FBXL13: variants seen among roughly 807,000 people sequenced by gnomAD.
FBXL13 encodes F-box and leucine-rich repeat protein 13.
A neutral mutation model predicts 83.6 loss-of-function variants in FBXL13; 67 were observed. The ratio of observed to expected loss-of-function variants is 0.80; its 90% confidence interval spans 0.66 to 0.98. FBXL13 has a LOEUF of 0.98. Among genes scored for constraint, FBXL13 ranks in the 50% least tolerant of loss-of-function variants. FBXL13 has a pLI of 0.00. For synonymous variants in FBXL13, 272 were observed against 299.5 expected, an observed-to-expected ratio of 0.91 and a Z score of 0.95; for missense variants, 822 against 866.5, an observed-to-expected ratio of 0.95 and a Z score of 0.64.
At chr7:102,871,759 C>T (rs1018878333) in intron 16 of FBXL13, among the ~76,000 whole-genome samples, 2 of 152,218 alleles carry the variant, frequency 1.3e-5, no homozygotes, top group African/African-American at 4.8e-5. Context: ...ATCCCTCCAC[C>T]GAGGTCCCCA....
chr7:102,845,461 G>T (rs1410346623), intron 17 of FBXL13, among the ~76,000 whole-genome samples: 1 of 152,152 alleles, frequency 6.6e-6, no homozygotes, highest in Non-Finnish European at 1.5e-5. Flanking sequence ...CACAAGAAGA[G>T]AAATTTTGAC....
chr7:102,872,529 C>T (rs1808660105), intron 16 of FBXL13, among the ~76,000 whole-genome samples: 1 of 152,140 alleles, frequency 6.6e-6, no homozygotes, highest in African/African-American at 2.4e-5. Context: ...GGGACACTGC[C>T]GTGACTCACT....
At chr7:102,934,013 C>T (rs1819740466) in intron 8 of FBXL13, 5 of 1,613,962 alleles carry the variant, frequency 3.1e-6, no homozygotes, top group Admixed American at 1.7e-5. Context: ...GAATCATGGC[C>T]GGGCGGGTGG....
At chr7:102,909,335 T>C (rs561272455) in intron 11 of FBXL13, among the ~76,000 whole-genome samples, 2 of 151,970 alleles carry the variant, frequency 1.3e-5, no homozygotes, top group East Asian at 2.0e-4. Context: ...AGAATTGCCA[T>C]ACAAGAGTCA....
At chr7:102,892,674 A>T (rs1811683071) in intron 11 of FBXL13, among the ~76,000 whole-genome samples, 1 of 152,162 alleles carries the variant, frequency 6.6e-6, no homozygotes, top group African/African-American at 2.4e-5. Flanking sequence ...AAATGCAACA[A>T]TTTTTTTAAC....
chr7:102,959,260 C>G lies in FBXL13; in HGVS notation c.724+4273G>C, dbSNP rs572487977. Among the ~76,000 whole-genome samples, 20 of 152,024 alleles carry G rather than the reference C, an allele frequency of 1.3e-4. 1 individual carries two copies. Among genetic ancestry groups the G allele is most frequent in the Admixed American group, 6.6e-5 (1 of 15,244 alleles). On this transcript the variant is annotated intron_variant, in intron 8 of 19. Transcript: ENST00000313221. Reference sequence around the variant, plus strand: ...AGAATTATTCCATTTTGCATAATTTCTTTTTTTCACTAAAAAATGTACAGA... The same window carrying G: ...AGAATTATTCCATTTTGCATAATTTGTTTTTTTCACTAAAAAATGTACAGA...
chr7:102,884,263 A>G, exon 12 of FBXL13: 1 of 1,613,890 alleles, frequency 6.2e-7, no homozygotes, highest in South Asian at 1.1e-5. Flanking sequence ...GGTAAGATGC[A>G]TAATTCCAGT....
At chr7:102,967,982 G>A (rs2129480829) in intron 7 of FBXL13, 40 bp downstream of exon 8, 1 of 1,478,236 alleles carries the variant, frequency 6.8e-7, no homozygotes, top group Non-Finnish European at 9.4e-7. Context: ...TCTCCTTTAA[G>A]AACTAGTGTA....
intron 17 of FBXL13, among the ~76,000 whole-genome samples, chr7:102,843,106 A>G (rs1030885357): frequency 6.6e-6 from 1 of 152,206 alleles, no homozygotes; most frequent in Non-Finnish European, 1.5e-5. Context: ...AAGAGAATGT[A>G]TCATAAAAGG....
chr7:102,867,695 ATTTTTTTTTTTTTTTTTT>A (rs1205859622), intron 16 of FBXL13, among the ~76,000 whole-genome samples: 5 of 49,066 alleles, frequency 1.0e-4, no homozygotes, highest in Non-Finnish European at 1.6e-4. Context: ...ATATATATAT[ATTTTTTTTTTTTTTTTTT>A]TTTTTTTGAG....
intron 8 of FBXL13, among the ~76,000 whole-genome samples, chr7:102,960,695 A>C (rs1357137077): frequency 2.7e-4 from 41 of 152,122 alleles, no homozygotes; most frequent in Admixed American, 2.6e-3. Flanking sequence ...CAAATCAATA[A>C]ATGTAATCCA....
chr7:102,970,812 T>C (rs182820989), intron 6 of FBXL13, among the ~76,000 whole-genome samples: 90 of 152,188 alleles, frequency 5.9e-4, no homozygotes, highest in Non-Finnish European at 1.0e-3. Flanking sequence ...TAAAACTCAG[T>C]GGGTGAGTTA....
At chr7:103,061,084 T>A (rs986436484) in intron 1 of FBXL13, among the ~76,000 whole-genome samples, 1 of 152,180 alleles carries the variant, frequency 6.6e-6, no homozygotes, top group Non-Finnish European at 1.5e-5. Context: ...AAATGAATAT[T>A]CCGGAAGATT....
intron 11 of FBXL13, among the ~76,000 whole-genome samples, chr7:102,901,121 A>G (rs565627281): frequency 6.6e-6 from 1 of 152,370 alleles, no homozygotes; most frequent in Non-Finnish European, 1.5e-5. Context: ...CATTGTGGCC[A>G]TATGGAAATG....
intron 7 of FBXL13, among the ~76,000 whole-genome samples, chr7:102,964,791 C>T (rs1825803435): frequency 1.3e-5 from 2 of 152,096 alleles, no homozygotes; most frequent in Non-Finnish European, 2.9e-5. Flanking sequence ...TACATGTATA[C>T]AATGCAACAC....
At chr7:102,861,281 C>A (rs550917565) in intron 16 of FBXL13, among the ~76,000 whole-genome samples, 9 of 151,966 alleles carry the variant, frequency 5.9e-5, no homozygotes, top group African/African-American at 2.2e-4. Context: ...GTTATCATGT[C>A]TTTTTAGTCT....
chr7:102,833,704 T>G (rs1467730925), intron 17 of FBXL13, among the ~76,000 whole-genome samples: 1 of 152,008 alleles, frequency 6.6e-6, no homozygotes, highest in East Asian at 1.9e-4. Flanking sequence ...ATTATAGGCA[T>G]GAGCCACTGT....
intron 2 of FBXL13, among the ~76,000 whole-genome samples, chr7:103,032,958 A>G (rs979950289): frequency 2.6e-5 from 4 of 152,132 alleles, no homozygotes; most frequent in African/African-American, 7.2e-5. Context: ...GAGCTCAGAT[A>G]GAGGCTGCAG....
At chr7:102,890,440 A>C (rs947833303) in intron 11 of FBXL13, among the ~76,000 whole-genome samples, 1 of 152,220 alleles carries the variant, frequency 6.6e-6, no homozygotes, top group Admixed American at 6.5e-5. Flanking sequence ...ACTTGGCCTC[A>C]CCAGTGGTGT....
Sources: gnomAD v4.1 joint callset for allele counts (sites outside exome capture counted in the v4.1 genomes callset) on GRCh38, gnomAD v4.1.1 for gene constraint, MANE v1.5 for transcripts, NCBI Gene and HGNC (gene_info 2026-07-23, HGNC 2026-07-21) for gene names.